Variants in NUP133 observed in about 807,000 individuals in gnomAD.
NUP133 encodes the protein nucleoporin 133.
In NUP133, 66 loss-of-function variants were observed where a neutral mutation model predicts 146.2. The observed-to-expected ratio is 0.45, with a 90% confidence interval of 0.37 to 0.55. The LOEUF (loss-of-function observed/expected upper bound fraction) is 0.55. Ranked by LOEUF, NUP133 falls within the 20% of genes least tolerant of loss-of-function variation. The probability of loss-of-function intolerance (pLI) is 0.00; values close to 1 mark genes in which losing one functional copy is unlikely to be tolerated. For missense variants in NUP133, 1,277 were observed against 1,374.8 expected, an observed-to-expected ratio of 0.93 and a Z score of 1.12; for synonymous variants, 521 against 498.8, an observed-to-expected ratio of 1.04 and a Z score of -0.59.
At position 229,508,053 on chromosome 1, in the gene NUP133, A is replaced by G. The variant is rs763024953; in HGVS notation, c.182+15T>C. 6.8e-7 allele frequency: 1 copy of G among 1,475,230 alleles called. No homozygotes were observed. The allele number at this position is 1,475,230 out of a possible 1,614,324, so 91.4% of individuals were successfully genotyped here. ...AGGCTGTTGGTTGCCAGACCCAACC[A>G]GGGAGATCACTTACCGCGAGCTTAG... On this transcript the variant is annotated intron_variant, in intron 1 of 25. Transcript: ENST00000261396.
chr1:229,471,276 TAC>T (rs1660949259), intron 14 of NUP133, among the ~76,000 whole-genome samples: 1 of 152,204 alleles, frequency 6.6e-6, no homozygotes, highest in Middle Eastern at 3.4e-3. Context: ...GGATAATTTT[TAC>T]ACTTTATTTT....
In NUP133 at chr1:229,464,805, A is replaced by G; in HGVS notation, c.2370T>C (p.Tyr790=). The G allele has an allele frequency of 6.2e-7, 1 of 1,614,220 alleles. No individual in the cohort carries two copies. Among genetic ancestry groups the G allele is most frequent in the Non-Finnish European group, 8.5e-7 (1 of 1,180,038 alleles). Residue 790 remains tyrosine (Y), a synonymous_variant, in exon 18 of 26, where the codon TAT becomes TAC. Coordinates refer to ENST00000261396, the MANE Select transcript of NUP133 (RefSeq NM_018230.3). ...RQHEIVLKVA[Y]PQADSNLRNI... is the part of the protein sequence containing the mutation. ...TTCGGAGGTTGCTGTCTGCCTGTGG[A>G]TAAGCCACCTTCAGGACAATCTCAT...
chr1:229,487,295 C>T (rs1278894840), intron 10 of NUP133, among the ~76,000 whole-genome samples, 171 bp downstream of exon 10: 5 of 152,010 alleles, frequency 3.3e-5, no homozygotes, highest in African/African-American at 1.2e-4. Flanking sequence ...ATTCTAGTAC[C>T]CTTTTGGTTT....
chr1:229,508,139 C>T lies in NUP133; in HGVS notation c.111G>A (p.Leu37=). The T allele has an allele frequency of 6.3e-7, 1 of 1,596,476 alleles. No individual in the cohort carries two copies. The highest frequency in any genetic ancestry group is 1.4e-5 in the African/African-American group (1 of 73,936). The change falls in exon 1 of 26, where the codon CTG becomes CTA. Residue 37 remains leucine (L), a synonymous_variant. Transcript: ENST00000261396. ...GGGAGCTGACTGCAGACCCCAGGGG[C>T]AGACCCTTCCTGCTAGCCGTCCGGG... is the stretch of plus-strand genomic sequence containing the variant. ...STPRTASRKG[L]PLGSAVSSPV... is the part of the protein sequence containing the mutation.
chr1:229,460,675 T>G lies in NUP133; in HGVS notation c.2780A>C (p.Asn927Thr), dbSNP rs1460064536. The G allele has an allele frequency of 6.2e-7, 1 of 1,613,974 alleles. No individual in the cohort carries two copies. Among genetic ancestry groups the G allele is most frequent in the Non-Finnish European group, 8.5e-7 (1 of 1,180,002 alleles). Reference protein sequence around the residue: ...QPISQHGQLANFLQAHEHLSW... With the variant: ...QPISQHGQLATFLQAHEHLSW... ...GAGATGTTCATGAGCTTGCAAAAAA[T>G]TTGCCAACTGTCCATGCTGAGAAAT... The change falls in exon 20 of 26, where the codon AAT becomes ACT. Residue 927 changes from asparagine to threonine, a missense_variant. Around this residue, in one of 3 missense-constraint regions of NUP133, gnomAD observed 952 missense variants for 1,047.0 expected, o/e 0.91. Transcript: ENST00000261396.
In NUP133 at chr1:229,470,601, A is replaced by G. The variant is rs1660932089; in HGVS notation, c.2055T>C (p.Pro685=). 3 of 1,614,156 alleles carry G rather than the reference A, an allele frequency of 1.9e-6. No homozygotes were observed. The highest frequency in any genetic ancestry group is 1.7e-6 in the Non-Finnish European group (2 of 1,179,962). The change falls in exon 15 of 26, where the codon CCT becomes CCC. Residue 685 remains proline, a synonymous_variant. Coordinates refer to ENST00000261396, the MANE Select transcript of NUP133 (RefSeq NM_018230.3). ...REYEIPSNLT[P]ADVFFREVSQ... ...TTACCTCCCTGAAAAAGACATCTGC[A>G]GGAGTCAGGTTGGATGGGATTTCAT...
At chr1:229,500,249 ACTTTT>A (rs1015056517) in intron 4 of NUP133, among the ~76,000 whole-genome samples, 19 of 151,816 alleles carry the variant, frequency 1.3e-4, no homozygotes, top group African/African-American at 3.9e-4. Context: ...ATTTTATCAA[ACTTTT>A]CTTTTATGGA....
chr1:229,466,795 A>G (rs1660837161), intron 15 of NUP133, 39 bp from the exon 16 acceptor site: 1 of 1,607,476 alleles, frequency 6.2e-7, no homozygotes, highest in African/African-American at 1.3e-5. Context: ...TACAACAAAA[A>G]TTATGGTGAT....
chr1:229,499,585 A>G, intron 5 of NUP133, 99 bp downstream of exon 5: 1 of 1,302,910 alleles, frequency 7.7e-7, no homozygotes, highest in Non-Finnish European at 1.1e-6. Flanking sequence ...CCTGGGCAAC[A>G]TAAGGAGATC....
At chr1:229,446,681 C>T (rs1660309875) in intron 24 of NUP133, among the ~76,000 whole-genome samples, 1 of 151,814 alleles carries the variant, frequency 6.6e-6, no homozygotes, top group Admixed American at 6.6e-5. Context: ...TTGCAGTGAG[C>T]CAAGATTGTG....
At chr1:229,504,893 T>A (rs1172979113) in intron 2 of NUP133, among the ~76,000 whole-genome samples, 1 of 152,178 alleles carries the variant, frequency 6.6e-6, no homozygotes, top group Non-Finnish European at 1.5e-5. Flanking sequence ...AGGTTGTGAA[T>A]CAACCCTTTG....
At chr1:229,479,805 G>A (rs1018029410) in intron 12 of NUP133, among the ~76,000 whole-genome samples, 3 of 152,160 alleles carry the variant, frequency 2.0e-5, no homozygotes, top group African/African-American at 4.8e-5. Flanking sequence ...AGATCACCGA[G>A]GGAGTAGACA....
In NUP133 at chr1:229,477,623, G is replaced by C; in HGVS notation, c.1730C>G (p.Pro577Arg). ...DLMDDYPASD[P>R]RWAESVPEEA... ...CTCAGGGACAGACTCAGCCCACCGT[G>C]GGTCAGATGCTGGGTAGTCATCCAT... The change falls in exon 13 of 26, where the codon CCA becomes CGA. Residue 577 changes from proline to arginine, a missense_variant. Pro to Arg is a moderately radical substitution (Grantham distance 103, BLOSUM62 -2). Around this residue, in one of 3 missense-constraint regions of NUP133, gnomAD observed 952 missense variants for 1,047.0 expected, o/e 0.91. Transcript: ENST00000261396. 1.2e-6 allele frequency: 2 copies of C among 1,613,514 alleles called. No homozygotes were observed. Among genetic ancestry groups the C allele is most frequent in the Non-Finnish European group, 1.7e-6 (2 of 1,179,614 alleles).
intron 13 of NUP133, 78 bp downstream of exon 13, chr1:229,477,519 T>C: frequency 1.8e-6 from 2 of 1,099,910 alleles, no homozygotes; most frequent in Non-Finnish European, 1.2e-6. Context: ...AGCTAAAAAA[T>C]ATGCTTTAAG....
intron 9 of NUP133, among the ~76,000 whole-genome samples, chr1:229,488,930 T>C (rs1212430212): frequency 1.3e-5 from 2 of 152,246 alleles, no homozygotes; most frequent in Non-Finnish European, 2.9e-5. Context: ...GTTCAGGTTC[T>C]TCCTCATGAA....
In NUP133 at chr1:229,458,195, G is replaced by A; in HGVS notation, c.2946C>T (p.Asp982=). 6.2e-7 allele frequency: 1 copy of A among 1,613,562 alleles called. No homozygotes were observed. Among genetic ancestry groups the A allele is most frequent in the Non-Finnish European group, 8.5e-7 (1 of 1,179,712 alleles). The change falls in exon 21 of 26, where the codon GAC becomes GAT. Residue 982 remains aspartate, a synonymous_variant. Transcript: ENST00000261396. ...TTTCTTGTAGCATATCCTCTGAAAA[G>A]TCTGAAGCTAATGCAGCCAATTTAC... ...GLSKLAALAS[D]FSEDMLQEKI... is the part of the protein sequence containing the mutation.
Position 229,477,735 on chromosome 1 carries a change from C to A in NUP133, c.1618G>T (p.Val540Leu), listed in dbSNP as rs568176929. The A allele has an allele frequency of 6.2e-7, 1 of 1,613,304 alleles. No homozygotes were observed. Among genetic ancestry groups the A allele is most frequent in the East Asian group, 2.2e-5 (1 of 44,852 alleles). Reference protein sequence around the residue: ...CRKDLGHAQMVVDELFSSHSD... With the variant: ...CRKDLGHAQMLVDELFSSHSD... ...TGAGAGGAAAAGAGCTCATCAACCA[C>A]CATTTGAGCATGACCTAAATCTTTT... Residue 540 changes from valine to leucine, a missense_variant, in exon 13 of 26, where the codon GTG (valine) becomes TTG (leucine). By Grantham distance (32) the Val-to-Leu change is conservative. Transcript: ENST00000261396.
intron 2 of NUP133, among the ~76,000 whole-genome samples, chr1:229,503,724 A>T (rs1254408869): frequency 6.6e-6 from 1 of 152,220 alleles, no homozygotes; most frequent in Non-Finnish European, 1.5e-5. Context: ...TCTTGAAAGC[A>T]CTACAACTCC....
intron 13 of NUP133, among the ~76,000 whole-genome samples, chr1:229,476,028 A>T (rs112596799): frequency 0.011 from 1,623 of 152,140 alleles, 37 homozygotes; most frequent in African/African-American, 0.037. Flanking sequence ...GAATTGCTTG[A>T]ACCCGGGGAG....
Sources: gnomAD v4.1 joint callset for allele counts (sites outside exome capture counted in the v4.1 genomes callset) on GRCh38, gnomAD v4.1.1 for gene constraint, gnomAD v4.1.1 regional missense constraint, MANE v1.5 for transcripts, NCBI Gene and HGNC (gene_info 2026-07-23, HGNC 2026-07-21) for gene names.